The following GRIA1 variants were observed in gnomAD, a reference collection of about 807,000 sequenced individuals.
The protein encoded by GRIA1 is glutamate receptor 1.
Under a neutral mutation model 99.2 loss-of-function variants are expected in GRIA1, and 31 were observed. The observed-to-expected ratio is 0.31, with a 90% CI of 0.23 to 0.42. The LOEUF is 0.42. Ranked by LOEUF, GRIA1 falls within the 10% of genes least tolerant of loss-of-function variation. GRIA1 has a pLI of 1.00. For missense variants in GRIA1, 782 were observed against 1,157.5 expected (o/e 0.68, Z 4.71); for synonymous variants, 438 against 432.4 (o/e 1.01, Z -0.16).
chr5:153,492,198 C>T, intron 1 of GRIA1: 1 of 1,530,666 alleles, frequency 6.5e-7, no homozygotes, highest in Non-Finnish European at 8.7e-7. Context: ...GTCGGGCATA[C>T]ATGTGCTGCA....
At chr5:153,493,426 G>C (rs1754108576) in intron 1 of GRIA1, among the ~76,000 whole-genome samples, 1 of 152,348 alleles carries the variant, frequency 6.6e-6, no homozygotes, top group South Asian at 2.1e-4. Context: ...CATGTAAACA[G>C]TTATAGTAGT....
chr5:153,682,601 T>G (rs10041275), intron 7 of GRIA1, among the ~76,000 whole-genome samples: 2 of 151,860 alleles, frequency 1.3e-5, no homozygotes, highest in African/African-American at 4.8e-5. Context: ...GCAAGAATCC[T>G]CTTAGGCCAT....
chr5:153,704,746 C>A (rs1020016838), intron 10 of GRIA1, among the ~76,000 whole-genome samples: 1 of 152,172 alleles, frequency 6.6e-6, no homozygotes, highest in Non-Finnish European at 1.5e-5. Flanking sequence ...TTATATGCCA[C>A]CTCTTCCAAG....
chr5:153,619,616 G>A (rs1766840049), intron 2 of GRIA1, among the ~76,000 whole-genome samples: 1 of 151,926 alleles, frequency 6.6e-6, no homozygotes, highest in Non-Finnish European at 1.5e-5. Flanking sequence ...CAAGCAATGA[G>A]GACTAGCCAT....
At chr5:153,500,419 G>A (rs1754884075) in intron 2 of GRIA1, among the ~76,000 whole-genome samples, 1 of 152,106 alleles carries the variant, frequency 6.6e-6, no homozygotes, top group South Asian at 2.1e-4. Flanking sequence ...CCTCAAATTG[G>A]TGACAGCTGA....
chr5:153,686,428 T>A, intron 8 of GRIA1, 99 bp downstream of exon 8: 1 of 780,158 alleles, frequency 1.3e-6, no homozygotes. Context: ...CTGGACTGGA[T>A]CTTTGAAGAA....
chr5:153,786,332 C>T (rs1217945077), intron 13 of GRIA1, among the ~76,000 whole-genome samples: 1 of 151,962 alleles, frequency 6.6e-6, no homozygotes, highest in African/African-American at 2.4e-5. Context: ...GGGACTTTGC[C>T]CTTTTCACAG....
rs1765424687 is a variant in GRIA1, at chr5:153,606,247, A to G, written c.221-40681A>G. On this transcript the variant is annotated intron_variant, in intron 2 of 15. Coordinates refer to ENST00000285900, the MANE Select transcript of GRIA1 (RefSeq NM_000827.4). The stretch of plus-strand genomic sequence containing the variant: ...TTGGTCATAAATCAAGTGACCAAGT[A>G]TGTCTGGTTCTGCTTCTGGTCTTTC... Among the ~76,000 whole-genome samples, 4 of 152,246 alleles carry G rather than the reference A, an allele frequency of 2.6e-5. No individual in the cohort carries two copies. In the South Asian group the frequency reaches 8.3e-4, roughly 32 times the overall value.
chr5:153,599,747 C>G (rs1764733175), intron 2 of GRIA1, among the ~76,000 whole-genome samples: 1 of 151,808 alleles, frequency 6.6e-6, no homozygotes. Context: ...GAGTTTGTCA[C>G]CAGTTGAGAA....
chr5:153,702,098 C>T (rs1204010514), intron 10 of GRIA1, among the ~76,000 whole-genome samples: 1 of 152,218 alleles, frequency 6.6e-6, no homozygotes, highest in Non-Finnish European at 1.5e-5. Flanking sequence ...TCAGAACATG[C>T]AGCTCTGGCT....
chr5:153,579,609 A>T (rs1157147844), intron 2 of GRIA1, among the ~76,000 whole-genome samples: 1 of 152,210 alleles, frequency 6.6e-6, no homozygotes, highest in Non-Finnish European at 1.5e-5. Context: ...GCATATAGAT[A>T]TATACTCATG....
chr5:153,753,715 C>T (rs202077513), intron 11 of GRIA1, among the ~76,000 whole-genome samples: 1 of 129,456 alleles, frequency 7.7e-6, no homozygotes, highest in East Asian at 3.6e-4. Flanking sequence ...AAAAAAAAAT[C>T]CTCAAATACC....
At chr5:153,516,064 C>CA (rs1436500653) in intron 2 of GRIA1, among the ~76,000 whole-genome samples, 2 of 151,928 alleles carry the variant, frequency 1.3e-5, no homozygotes, top group East Asian at 1.9e-4. Context: ...ACTAAAAATA[C>CA]AAAAAATCAG....
At chr5:153,657,025 T>C (rs1164920035) in intron 5 of GRIA1, among the ~76,000 whole-genome samples, 1 of 152,240 alleles carries the variant, frequency 6.6e-6, no homozygotes, top group East Asian at 1.9e-4. Context: ...TGTTGCAGCA[T>C]GTATCAGTAC....
At chr5:153,795,077 T>G (rs1765562743) in intron 14 of GRIA1, among the ~76,000 whole-genome samples, 1 of 152,030 alleles carries the variant, frequency 6.6e-6, no homozygotes, top group Non-Finnish European at 1.5e-5. Flanking sequence ...AGGGTGCCCT[T>G]TTTTTCAAAG....
chr5:153,643,310 G>A (rs561756581), intron 2 of GRIA1, among the ~76,000 whole-genome samples: 9 of 152,292 alleles, frequency 5.9e-5, no homozygotes, highest in South Asian at 2.1e-4. Flanking sequence ...CTAGGAGAGC[G>A]TGGGATTTAC....
chr5:153,726,670 C>A (rs187582169), intron 11 of GRIA1, among the ~76,000 whole-genome samples: 38 of 152,170 alleles, frequency 2.5e-4, no homozygotes, highest in African/African-American at 9.2e-4. Flanking sequence ...ACACATACAC[C>A]CTCCCAAGAC....
chr5:153,785,107 G>T (rs967649450), intron 13 of GRIA1, among the ~76,000 whole-genome samples: 2 of 152,146 alleles, frequency 1.3e-5, no homozygotes, highest in African/African-American at 4.8e-5. Context: ...ATATTGCTTA[G>T]TTCAGGGAGA....
chr5:153,681,110 A>G (rs934229345), intron 7 of GRIA1, among the ~76,000 whole-genome samples: 1 of 152,224 alleles, frequency 6.6e-6, no homozygotes, highest in Non-Finnish European at 1.5e-5. Context: ...GGGCCTCAGG[A>G]AGCTTCCAAT....
Sources: gnomAD v4.1 joint callset for allele counts (sites outside exome capture counted in the v4.1 genomes callset) on GRCh38, gnomAD v4.1.1 for gene constraint, MANE v1.5 for transcripts, NCBI Gene and HGNC (gene_info 2026-07-23, HGNC 2026-07-21) for gene names.